The following DHDH variants were observed in gnomAD, a reference collection of about 807,000 sequenced individuals.
DHDH encodes trans-1,2-dihydrobenzene-1,2-diol dehydrogenase.
Under a neutral mutation model 33.2 loss-of-function variants are expected in DHDH, and 29 were observed. That is an observed-to-expected ratio of 0.87 (90% confidence interval 0.65 to 1.19). The LOEUF (loss-of-function observed/expected upper bound fraction) is 1.19, where lower values mean the gene tolerates loss of function less well. Among genes scored for constraint, DHDH ranks in the 50% most tolerant of loss-of-function variants. The pLI is 0.00. For missense variants in DHDH, 431 were observed against 455.0 expected, an observed-to-expected ratio of 0.95 and a Z score of 0.48; for synonymous variants, 201 against 187.9, an observed-to-expected ratio of 1.07 and a Z score of -0.57.
chr19:48,933,960 T>A (rs2037738910), intron 1 of DHDH, 149 bp downstream of exon 1: 6 of 692,364 alleles, frequency 8.7e-6, no homozygotes. Flanking sequence ...TCTCCATCTC[T>A]GTTCTGCAAA....
chr19:48,933,291 T>C (rs2037727897), upstream of DHDH, among the ~76,000 whole-genome samples: 1 of 151,980 alleles, frequency 6.6e-6, no homozygotes, highest in Admixed American at 6.6e-5. Flanking sequence ...GTTACAATCC[T>C]CTCTCTCTCT....
intron 6 of DHDH, 44 bp from the exon 7 acceptor site, chr19:48,944,780 G>A: frequency 6.5e-7 from 1 of 1,546,858 alleles, no homozygotes; most frequent in Non-Finnish European, 8.9e-7. Flanking sequence ...TTTGGGTCTT[G>A]GGCGCGTGGG....
At chr19:48,942,395 ACT>A (rs2037876601) in intron 4 of DHDH, 43 bp from the exon 5 acceptor site, 1 of 1,528,710 alleles carries the variant, frequency 6.5e-7, no homozygotes, top group Non-Finnish European at 8.9e-7. Context: ...AGTCTCAGAG[ACT>A]CTGCCCTGAG....
chr19:48,944,671 C>T (rs1319222074), intron 6 of DHDH, among the ~76,000 whole-genome samples, 153 bp from the exon 7 acceptor site: 1 of 151,862 alleles, frequency 6.6e-6, no homozygotes, highest in Non-Finnish European at 1.5e-5. Context: ...ACAAGACTCT[C>T]ACTCCAAAAA....
intron 1 of DHDH, among the ~76,000 whole-genome samples, chr19:48,934,315 TC>T (rs1318168840): frequency 6.6e-6 from 1 of 151,978 alleles, no homozygotes; most frequent in Non-Finnish European, 1.5e-5. Context: ...GTCCAGGGTT[TC>T]CCCCCACTGA....
intron 5 of DHDH, 88 bp from the exon 6 acceptor site, chr19:48,944,269 C>A: frequency 6.4e-7 from 1 of 1,571,836 alleles, no homozygotes. Flanking sequence ...AAGAGGGAGG[C>A]CCCTGTGCAC....
rs754244398 is a variant in DHDH at position 48,933,717 on chromosome 19, C to CA, written c.-3dup. The CA allele has an allele frequency of 7.4e-6, 12 of 1,613,162 alleles. No individual in the cohort carries two copies. In the African/African-American group the frequency reaches 1.6e-4, roughly 22 times the overall value. ...CGAAGGTGCCGAGGGCTCCGCATCGCAACCATGGCGCTGCGCTGGGGCATC... is the reference window on the plus strand; with the variant it reads ...CGAAGGTGCCGAGGGCTCCGCATCGCAAACCATGGCGCTGCGCTGGGGCATC... On this transcript the variant is annotated 5_prime_UTR_variant, in exon 1 of 7. Transcript: ENST00000221403.
rs10423255 is a variant in DHDH at position 48,942,517 on chromosome 19, C to T, written c.697C>T (p.Gln233Ter). Residue 233 changes from glutamine (Q) to a stop codon, truncating the protein, a stop_gained, in exon 5 of 7, where the codon CAG (glutamine) becomes TAG (stop). Coordinates refer to ENST00000221403, the MANE Select transcript of DHDH (RefSeq NM_014475.4). LOFTEE classifies it high-confidence loss of function. ...CAGCTTCACCTGCAGCATCACCGTG[C>T]AGCTCTCCAACACGGCCTCCGTGAG... ...HGSFTCSITV[Q>*]LSNTASVSGT... The T allele has an allele frequency of 0.059, 95,344 of 1,613,546 alleles. 2,952 individuals are homozygous for T. Among genetic ancestry groups the T allele is most frequent in the African/African-American group, 0.062 (4,670 of 75,038 alleles).
At chr19:48,939,277 T>TA in intron 3 of DHDH, among the ~76,000 whole-genome samples, 172 bp from the exon 4 acceptor site, 1 of 150,274 alleles carries the variant, frequency 6.7e-6, no homozygotes, top group Non-Finnish European at 1.5e-5. Flanking sequence ...CTATCTCTAT[T>TA]CAAAAAAAAA....
chr19:48,939,954 G>A (rs1002159577), intron 4 of DHDH, among the ~76,000 whole-genome samples: 13 of 152,148 alleles, frequency 8.5e-5, no homozygotes, highest in African/African-American at 3.1e-4. Context: ...GTCACTAATA[G>A]GGTTGTCATG....
At chr19:48,942,102 CG>C (rs1423220246) in intron 4 of DHDH, among the ~76,000 whole-genome samples, 8 of 151,810 alleles carry the variant, frequency 5.3e-5, no homozygotes, top group Admixed American at 1.3e-4. Context: ...CCGCCTCCCA[CG>C]TTCACGCCAT....
At chr19:48,933,088 A>G (rs2037725561), upstream of DHDH, among the ~76,000 whole-genome samples, 1 of 152,020 alleles carries the variant, frequency 6.6e-6, no homozygotes, top group Non-Finnish European at 1.5e-5. Flanking sequence ...ACAGGTCTTT[A>G]CCTCCTGACT....
At chr19:48,937,811 TAAAAAAA>T (rs539240060) in intron 3 of DHDH, among the ~76,000 whole-genome samples, 45,965 of 127,160 alleles carry the variant, frequency 0.36, 10,461 homozygotes, top group African/African-American at 0.65. Flanking sequence ...AGACTGTCTT[TAAAAAAA>T]AAAAAAAAAA....
At chr19:48,944,650 T>G in intron 6 of DHDH, 143 bp downstream of exon 6, 1 of 1,336,104 alleles carries the variant, frequency 7.5e-7, no homozygotes, top group Non-Finnish European at 1.0e-6. Flanking sequence ...CACTCCAGCC[T>G]GGGCAACGGA....
intron 3 of DHDH, among the ~76,000 whole-genome samples, chr19:48,938,414 T>A (rs1170841034): frequency 6.6e-6 from 1 of 152,064 alleles, no homozygotes; most frequent in African/African-American, 2.4e-5. Flanking sequence ...CCAGGAGTTT[T>A]TTTTTGTTGT....
At chr19:48,932,977 G>C (rs184046620), upstream of DHDH, among the ~76,000 whole-genome samples, 1 of 152,136 alleles carries the variant, frequency 6.6e-6, no homozygotes. Context: ...CAGCCAAGAA[G>C]GGGCAAGGAG....
At chr19:48,933,927 C>A in intron 1 of DHDH, 116 bp downstream of exon 1, 2 of 889,248 alleles carry the variant, frequency 2.2e-6, no homozygotes, top group Non-Finnish European at 3.5e-6. Flanking sequence ...TGCAGTGAAA[C>A]GTCTGTTTCC....
chr19:48,935,106 G>A lies in DHDH; in HGVS notation c.197G>A (p.Ser66Asn), dbSNP rs2270941. The A allele has an allele frequency of 0.27, 420,585 of 1,562,794 alleles. 70,408 individuals carry two copies. Among genetic ancestry groups the A allele is most frequent in the African/African-American group, 0.73 (53,808 of 73,764 alleles). ...TATGAGGAGCTGGCCAAGGACCCGA[G>A]CGTGGGTGAGTGGCGAGGGCGATGG... is the stretch of plus-strand genomic sequence containing the variant. ...GSYEELAKDP[S>N]VEVAYIGTQH... Residue 66 changes from serine to asparagine, a missense_variant, in exon 2 of 7, where the codon AGC (serine) becomes AAC (asparagine). By Grantham distance (46) the Ser-to-Asn change is conservative. Coordinates refer to ENST00000221403, the MANE Select transcript of DHDH (RefSeq NM_014475.4).
In DHDH at chr19:48,933,804, A is replaced by G; in HGVS notation, c.83A>G (p.Glu28Gly). ...GTGCTGCAGACGCTGCCTCGCTCTGAGCACCAGGTCTGCCCGCCCTCCGGA... is the reference window on the plus strand; with the variant it reads ...GTGCTGCAGACGCTGCCTCGCTCTGGGCACCAGGTCTGCCCGCCCTCCGGA... ...TAVLQTLPRSEHQVVAVAARD... is the reference protein window; with the variant it reads ...TAVLQTLPRSGHQVVAVAARD... Residue 28 changes from glutamate (E) to glycine (G), a missense_variant, in exon 1 of 7, where the codon GAG becomes GGG. Transcript: ENST00000221403. 6.2e-7 allele frequency: 1 copy of G among 1,609,754 alleles called. No homozygotes were observed. Among genetic ancestry groups the G allele is most frequent in the Non-Finnish European group, 8.5e-7 (1 of 1,179,926 alleles).
Sources: gnomAD v4.1 joint callset for allele counts (sites outside exome capture counted in the v4.1 genomes callset) on GRCh38, gnomAD v4.1.1 for gene constraint, MANE v1.5 for transcripts, NCBI Gene and HGNC (gene_info 2026-07-23, HGNC 2026-07-21) for gene names.